Variants in ARHGAP15 observed in about 807,000 individuals in gnomAD.
ARHGAP15 encodes Rho GTPase activating protein 15.
ARHGAP15 carries 51 observed loss-of-function variants against 63.7 expected under a neutral mutation model. The observed-to-expected ratio is 0.80, with a 90% CI of 0.64 to 1.01. The LOEUF (loss-of-function observed/expected upper bound fraction) is 1.01. Among genes scored for constraint, ARHGAP15 ranks in the 50% least tolerant of loss-of-function variants. The probability of loss-of-function intolerance (pLI) is 0.00; values close to 1 mark genes in which losing one functional copy is unlikely to be tolerated. For missense variants in ARHGAP15, 560 were observed against 564.6 expected (o/e 0.99, Z 0.08); for synonymous variants, 191 against 193.8 (o/e 0.99, Z 0.12).
At chr2:143,745,247 A>G (rs914208271) in intron 13 of ARHGAP15, among the ~76,000 whole-genome samples, 6 of 152,234 alleles carry the variant, frequency 3.9e-5, no homozygotes, top group Non-Finnish European at 8.8e-5. Context: ...CATTCCTGGC[A>G]TACATGCCAC....
chr2:143,460,146 T>A (rs942710879), intron 8 of ARHGAP15, among the ~76,000 whole-genome samples: 35 of 152,170 alleles, frequency 2.3e-4, no homozygotes, highest in African/African-American at 7.7e-4. Context: ...AAATTTTCCA[T>A]AATAAATGTT....
At chr2:143,645,291 G>A (rs1490599547) in intron 12 of ARHGAP15, among the ~76,000 whole-genome samples, 2 of 152,094 alleles carry the variant, frequency 1.3e-5, no homozygotes, top group East Asian at 3.9e-4. Context: ...TTAACTCTAA[G>A]TCTACACTGT....
intron 10 of ARHGAP15, among the ~76,000 whole-genome samples, chr2:143,552,979 C>T (rs1002409251): frequency 1.3e-5 from 2 of 152,146 alleles, no homozygotes; most frequent in Admixed American, 1.3e-4. Flanking sequence ...AGTTTGCAAT[C>T]CAGCAAGGAT....
intron 8 of ARHGAP15, among the ~76,000 whole-genome samples, chr2:143,451,148 G>A (rs1313826411): frequency 6.6e-6 from 1 of 151,772 alleles, no homozygotes; most frequent in Non-Finnish European, 1.5e-5. Context: ...TAATTCAGCA[G>A]GGACGGAAAT....
intron 9 of ARHGAP15, among the ~76,000 whole-genome samples, chr2:143,505,503 C>A (rs1693269310): frequency 6.6e-6 from 1 of 152,144 alleles, no homozygotes. Flanking sequence ...CCAAAGGAGA[C>A]AAAATGTTTT....
chr2:143,748,371 T>C (rs1472774082), intron 13 of ARHGAP15, among the ~76,000 whole-genome samples: 1 of 152,180 alleles, frequency 6.6e-6, no homozygotes, highest in East Asian at 1.9e-4. Flanking sequence ...TCAAATAACA[T>C]TGATAACTAA....
chr2:143,579,093 CATA>C (rs1259204425), intron 11 of ARHGAP15, among the ~76,000 whole-genome samples: 1 of 152,080 alleles, frequency 6.6e-6, no homozygotes, highest in Non-Finnish European at 1.5e-5. Context: ...AATGCCACAG[CATA>C]ATAAGGCAAA....
At chr2:143,589,680 A>G (rs1038655070) in intron 11 of ARHGAP15, among the ~76,000 whole-genome samples, 10 of 152,234 alleles carry the variant, frequency 6.6e-5, no homozygotes, top group Admixed American at 5.2e-4. Context: ...CTCTCTTTTC[A>G]ACAAACATCA....
chr2:143,430,917 A>T (rs1689359684), intron 6 of ARHGAP15, among the ~76,000 whole-genome samples: 1 of 152,020 alleles, frequency 6.6e-6, no homozygotes, highest in African/African-American at 2.4e-5. Context: ...AGTTTCACTA[A>T]AATGGAATAA....
chr2:143,585,278 G>A (rs1044158047), intron 11 of ARHGAP15, among the ~76,000 whole-genome samples: 1 of 151,882 alleles, frequency 6.6e-6, no homozygotes, highest in Non-Finnish European at 1.5e-5. Flanking sequence ...TTAAAAACTT[G>A]TCAAAAGAAT....
chr2:143,515,910 G>A lies in ARHGAP15; in HGVS notation c.827-3356G>A, dbSNP rs371586512. Among the ~76,000 whole-genome samples the A allele has an allele frequency of 1.8e-4, 27 of 152,054 alleles. 1 individual carries two copies. The highest frequency in any genetic ancestry group is 3.9e-4 in the African/African-American group (16 of 41,480). On this transcript the variant is annotated intron_variant, in intron 9 of 13. Coordinates refer to ENST00000295095, the MANE Select transcript of ARHGAP15 (RefSeq NM_018460.4). ...TTCTCTAAGAGTGAATGTATTCCTC[G>A]GCATACCCCAGTCTTCCTATCATTC...
chr2:143,634,822 C>T (rs1680222329), intron 12 of ARHGAP15, among the ~76,000 whole-genome samples: 1 of 152,066 alleles, frequency 6.6e-6, no homozygotes, highest in South Asian at 2.1e-4. Context: ...AGCCCAACCC[C>T]ACTTGGATAA....
At chr2:143,630,528 T>A (rs1242173166) in intron 12 of ARHGAP15, among the ~76,000 whole-genome samples, 1 of 152,102 alleles carries the variant, frequency 6.6e-6, no homozygotes, top group African/African-American at 2.4e-5. Flanking sequence ...AATTTTTATC[T>A]CTTCTGGTTA....
intron 6 of ARHGAP15, among the ~76,000 whole-genome samples, chr2:143,325,830 T>C (rs1343418530): frequency 6.6e-6 from 1 of 152,190 alleles, no homozygotes; most frequent in Non-Finnish European, 1.5e-5. Flanking sequence ...AATGCACTTA[T>C]TCAATGAAAG....
rs535448985 is a variant in ARHGAP15, at chr2:143,201,457, G to A, written c.166-677G>A. On this transcript the variant is annotated intron_variant, in intron 2 of 13. Transcript: ENST00000295095. ...CTACAATGTATAATAATCAAATCAG[G>A]GTAATTGGGGTATTCACTAACCCGA... Among the ~76,000 whole-genome samples, 7 of 152,000 alleles carry A rather than the reference G, an allele frequency of 4.6e-5. No individual in the cohort carries two copies. The South Asian group carries it at 1.5e-3, about 32-fold the overall frequency.
chr2:143,702,993 G>A (rs1291665345), intron 12 of ARHGAP15, among the ~76,000 whole-genome samples: 3 of 152,092 alleles, frequency 2.0e-5, no homozygotes. Context: ...ATTCAGACAC[G>A]GACATCTTTG....
chr2:143,273,848 C>T (rs1681416908), intron 6 of ARHGAP15, among the ~76,000 whole-genome samples: 6 of 151,746 alleles, frequency 4.0e-5, no homozygotes, highest in Admixed American at 3.9e-4. Context: ...AATTTATTTC[C>T]TGATGAATAC....
chr2:143,210,096 C>T (rs1329081293), intron 3 of ARHGAP15, among the ~76,000 whole-genome samples: 1 of 152,122 alleles, frequency 6.6e-6, no homozygotes, highest in Non-Finnish European at 1.5e-5. Context: ...CCAGGAAGGC[C>T]ATTCTCATTG....
chr2:143,407,109 T>TA (rs1688230144), intron 6 of ARHGAP15, among the ~76,000 whole-genome samples: 1 of 151,980 alleles, frequency 6.6e-6, no homozygotes, highest in Non-Finnish European at 1.5e-5. Flanking sequence ...TTATCCCTAT[T>TA]ATATCTTTTG....
Sources: gnomAD v4.1 joint callset for allele counts (sites outside exome capture counted in the v4.1 genomes callset) on GRCh38, gnomAD v4.1.1 for gene constraint, MANE v1.5 for transcripts, NCBI Gene and HGNC (gene_info 2026-07-23, HGNC 2026-07-21) for gene names.